The following ELP4 variants were observed in gnomAD, a reference collection of about 807,000 sequenced individuals.
The protein encoded by ELP4 is elongator acetyltransferase complex subunit 4.
In ELP4, 51 loss-of-function variants were observed where a neutral mutation model predicts 48.9. The observed-to-expected ratio is 1.04, with a 90% CI of 0.83 to 1.32. ELP4 has a LOEUF of 1.32. ELP4 is among the 40% of genes most tolerant of loss of function. ELP4 has a pLI of 0.00. For synonymous variants in ELP4, 210 were observed against 189.2 expected (o/e 1.11, Z -0.90); for missense variants, 519 against 514.6 (o/e 1.01, Z -0.08).
intron 5 of ELP4, among the ~76,000 whole-genome samples, chr11:31,606,295 C>G (rs1283824911): frequency 6.6e-6 from 1 of 152,012 alleles, no homozygotes; most frequent in African/African-American, 2.4e-5. Flanking sequence ...AAAGCATGTG[C>G]TCATTTCACT....
chr11:31,552,408 T>C (rs1180834471), intron 3 of ELP4, among the ~76,000 whole-genome samples: 1 of 152,140 alleles, frequency 6.6e-6, no homozygotes. Flanking sequence ...CAATTGTATA[T>C]CCAGCTCCCT....
At chr11:31,735,552 A>C (rs1947293335) in intron 9 of ELP4, among the ~76,000 whole-genome samples, 1 of 152,142 alleles carries the variant, frequency 6.6e-6, no homozygotes, top group African/African-American at 2.4e-5. Flanking sequence ...TTTGCAGATG[A>C]CATGATTGTA....
chr11:31,704,251 T>C (rs904694803), intron 9 of ELP4, among the ~76,000 whole-genome samples: 1 of 151,914 alleles, frequency 6.6e-6, no homozygotes, highest in African/African-American at 2.4e-5. Flanking sequence ...TCTCACATGG[T>C]TAATTCAAAC....
chr11:31,674,081 G>A (rs1369368084), intron 9 of ELP4, among the ~76,000 whole-genome samples: 2 of 152,172 alleles, frequency 1.3e-5, no homozygotes, highest in East Asian at 3.8e-4. Flanking sequence ...ACCTTTGGAG[G>A]TATCTTTCGT....
chr11:31,528,112 T>C (rs1956328018), intron 2 of ELP4, among the ~76,000 whole-genome samples: 2 of 152,128 alleles, frequency 1.3e-5, no homozygotes, highest in Non-Finnish European at 1.5e-5. Context: ...ATTCCTTCTG[T>C]ATACTTCTGT....
intron 3 of ELP4, among the ~76,000 whole-genome samples, chr11:31,575,054 C>T (rs1294818705): frequency 3.3e-5 from 5 of 152,228 alleles, no homozygotes; most frequent in South Asian, 2.1e-4. Flanking sequence ...AAAGATTAGA[C>T]GAATGGCTAA....
At chr11:31,613,653 GT>G (rs1041460751) in intron 5 of ELP4, among the ~76,000 whole-genome samples, 1 of 147,530 alleles carries the variant, frequency 6.8e-6, no homozygotes, top group Non-Finnish European at 1.5e-5. Flanking sequence ...TTCCGGATAA[GT>G]TTTTTTTTAT....
At chr11:31,559,905 T>TAAAAAAAAAAAA (rs11399608) in intron 3 of ELP4, among the ~76,000 whole-genome samples, 1 of 131,460 alleles carries the variant, frequency 7.6e-6, no homozygotes, top group Non-Finnish European at 1.6e-5. Flanking sequence ...AAACTCCGTC[T>TAAAAAAAAAAAA]AAAAAAAAAA....
intron 3 of ELP4, among the ~76,000 whole-genome samples, chr11:31,549,543 T>C (rs764664511): frequency 2.6e-4 from 39 of 151,968 alleles, no homozygotes; most frequent in Non-Finnish European, 4.7e-4. Context: ...TTGGTGGGAC[T>C]GTAAACTAGT....
intron 7 of ELP4, among the ~76,000 whole-genome samples, chr11:31,641,373 C>A (rs923857245): frequency 1.3e-5 from 2 of 151,774 alleles, no homozygotes; most frequent in African/African-American, 4.8e-5. Context: ...TATATATCAA[C>A]AAACATAATT....
chr11:31,525,629 A>G (rs1205078487), intron 2 of ELP4, among the ~76,000 whole-genome samples: 2 of 152,160 alleles, frequency 1.3e-5, no homozygotes, highest in Non-Finnish European at 2.9e-5. Context: ...ACTAGTGAGA[A>G]GGTAAGTTTG....
chr11:31,678,111 C>T (rs960474009), intron 9 of ELP4, among the ~76,000 whole-genome samples: 5 of 151,964 alleles, frequency 3.3e-5, no homozygotes, highest in Admixed American at 1.3e-4. Context: ...CATGTAATTA[C>T]GTAGATTGTA....
chr11:31,577,279 TG>T (rs1317540432), intron 3 of ELP4, among the ~76,000 whole-genome samples: 3 of 152,130 alleles, frequency 2.0e-5, no homozygotes, highest in Non-Finnish European at 4.4e-5. Flanking sequence ...ATTCTGAAAT[TG>T]AGGCAATAAT....
chr11:31,657,136 T>C (rs1361202800), intron 9 of ELP4, among the ~76,000 whole-genome samples: 1 of 152,094 alleles, frequency 6.6e-6, no homozygotes, highest in East Asian at 1.9e-4. Context: ...ATGGTATCCT[T>C]AAGCTTGTGA....
chr11:31,595,438 G>T (rs1957654451), intron 4 of ELP4, among the ~76,000 whole-genome samples: 1 of 152,018 alleles, frequency 6.6e-6, no homozygotes, highest in East Asian at 1.9e-4. Flanking sequence ...TCCCTTATTT[G>T]ATTGTTCACT....
At chr11:31,679,088 C>G (rs956092306) in intron 9 of ELP4, among the ~76,000 whole-genome samples, 1 of 152,110 alleles carries the variant, frequency 6.6e-6, no homozygotes, top group East Asian at 1.9e-4. Context: ...CTATGCACAT[C>G]TTTTGCCCAT....
In ELP4 at chr11:31,772,097, C is replaced by G. The variant is rs551909406; in HGVS notation, c.1144-11296C>G. ...ATGTTTTGTTTCCTTAAAAGCACCT[C>G]TCACCACCTGAATTATTTTCTTCTT... On this transcript the variant is annotated intron_variant, in intron 9 of 9. Transcript: ENST00000640961. Among the ~76,000 whole-genome samples, 9 of 151,258 alleles carry G rather than the reference C, an allele frequency of 6.0e-5. 2 individuals carry two copies. The South Asian group carries it at 1.9e-3, about 32-fold the overall frequency.
rs1445637182 is a variant in ELP4, at chr11:31,784,147, A to T, written c.*623A>T. On this transcript the variant is annotated 3_prime_UTR_variant, in exon 10 of 10. Transcript: ENST00000640961. ...GAAGTGGATGGTCTTTAGTTTAGTA[A>T]TCCTAAACAATTGAAGTCAGTACTA... 6.6e-6 allele frequency: 1 copy of T among 152,198 alleles called. No homozygotes were observed. The highest frequency in any genetic ancestry group is 1.5e-5 in the Non-Finnish European group (1 of 68,022). The allele number at this position is 152,198 out of a possible 1,614,324, so 9.4% of individuals were successfully genotyped here.
chr11:31,584,340 A>G (rs2133976138), intron 3 of ELP4, among the ~76,000 whole-genome samples: 1 of 152,126 alleles, frequency 6.6e-6, no homozygotes, highest in East Asian at 1.9e-4. Flanking sequence ...TTTACATTCT[A>G]CAAGTTTTAT....
Sources: gnomAD v4.1 joint callset for allele counts (sites outside exome capture counted in the v4.1 genomes callset) on GRCh38, gnomAD v4.1.1 for gene constraint, MANE v1.5 for transcripts, NCBI Gene and HGNC (gene_info 2026-07-23, HGNC 2026-07-21) for gene names.